The following CENPE variants were observed in gnomAD, a reference collection of about 807,000 sequenced individuals.
CENPE encodes centromere-associated protein E.
In CENPE, 145 loss-of-function variants were observed where a neutral mutation model predicts 336.1. That is an observed-to-expected ratio of 0.43 (90% CI 0.38 to 0.50). The LOEUF (loss-of-function observed/expected upper bound fraction) is 0.50. Ranked by LOEUF, CENPE falls within the 20% of genes least tolerant of loss-of-function variation. The pLI is 0.00. For missense variants in CENPE, 2,719 were observed against 3,023.3 expected (o/e 0.90, Z 2.36); for synonymous variants, 1,013 against 984.8 (o/e 1.03, Z -0.54).
chr4:103,185,982 C>T lies in CENPE; in HGVS notation c.694-121G>A, dbSNP rs576229633. ...AATATTCGATCTGTATCCATGTCTC[C>T]CATGCTACTGTTTAGGCATTCCCTT... On this transcript the variant is annotated intron_variant, in intron 8 of 48. Coordinates refer to ENST00000265148, the MANE Select transcript of CENPE (RefSeq NM_001813.3). 4.1e-5 allele frequency: 24 copies of T among 581,642 alleles called. No homozygotes were observed. In the Admixed American group the frequency reaches 4.3e-4, roughly 10 times the overall value. The allele number at this position is 581,642 out of a possible 1,614,324, so 36.0% of individuals were successfully genotyped here.
intron 8 of CENPE, among the ~76,000 whole-genome samples, chr4:103,189,761 TA>T (rs1757132995): frequency 6.6e-6 from 1 of 152,156 alleles, no homozygotes; most frequent in South Asian, 2.1e-4. Context: ...TCACCACTCC[TA>T]TTCAACATAG....
chr4:103,131,651 A>G (rs1751599206), intron 42 of CENPE, among the ~76,000 whole-genome samples: 2 of 152,228 alleles, frequency 1.3e-5, no homozygotes, highest in Non-Finnish European at 2.9e-5. Context: ...AAAGATACAT[A>G]TGTATGTTTA....
chr4:103,135,053 T>G (rs2720462), intron 40 of CENPE, among the ~76,000 whole-genome samples: 58,126 of 152,070 alleles, frequency 0.38, 11,143 homozygotes, highest in Middle Eastern at 0.49. Flanking sequence ...CTTTTGCTAG[T>G]TTCTCTCCTG....
intron 47 of CENPE, among the ~76,000 whole-genome samples, chr4:103,110,014 G>A (rs530038396): frequency 2.8e-4 from 42 of 152,120 alleles, no homozygotes; most frequent in African/African-American, 9.4e-4. Context: ...CTCAAAGCCC[G>A]TGAACATGTT....
intron 39 of CENPE, among the ~76,000 whole-genome samples, chr4:103,137,398 T>A (rs1468349297): frequency 6.6e-6 from 1 of 152,140 alleles, no homozygotes; most frequent in African/African-American, 2.4e-5. Flanking sequence ...ATGTAGTAGG[T>A]AACATGTTTA....
chr4:103,185,842 C>T lies in CENPE; in HGVS notation c.713G>A (p.Gly238Asp). The T allele has an allele frequency of 6.2e-7, 1 of 1,608,976 alleles. No individual in the cohort carries two copies. Among genetic ancestry groups the T allele is most frequent in the Non-Finnish European group, 8.5e-7 (1 of 1,176,784 alleles). Residue 238 changes from glycine to aspartate, a missense_variant, in exon 9 of 49, where the codon GGC becomes GAC. Gly to Asp is a moderately conservative substitution (Grantham distance 94). Coordinates refer to ENST00000265148, the MANE Select transcript of CENPE (RefSeq NM_001813.3). ...GCCTGTTTGAGCAGCTCTTTCACTG[C>T]CTGCAAGATCAACCAAATTCTGTAA... ...VSHLNLVDLAGSERAAQTGAA... is the reference protein window; with the variant it reads ...VSHLNLVDLADSERAAQTGAA...
At chr4:103,168,913 T>C (rs1470394600) in intron 16 of CENPE, among the ~76,000 whole-genome samples, 1 of 152,208 alleles carries the variant, frequency 6.6e-6, no homozygotes, top group Non-Finnish European at 1.5e-5. Context: ...CACTGCTGCA[T>C]GACCACAAGC....
chr4:103,139,414 C>G (rs936324589), intron 38 of CENPE, among the ~76,000 whole-genome samples: 2 of 151,800 alleles, frequency 1.3e-5, no homozygotes, highest in African/African-American at 4.8e-5. Flanking sequence ...CCAATAAGAG[C>G]CCAACTCTAG....
intron 42 of CENPE, among the ~76,000 whole-genome samples, chr4:103,128,316 T>C (rs1300349057): frequency 1.3e-5 from 2 of 152,184 alleles, no homozygotes; most frequent in Non-Finnish European, 2.9e-5. Flanking sequence ...CAATTTATTA[T>C]AGTTGGAGAC....
chr4:103,128,315 A>G (rs941909529), intron 42 of CENPE, among the ~76,000 whole-genome samples: 5 of 152,226 alleles, frequency 3.3e-5, no homozygotes, highest in African/African-American at 1.2e-4. Context: ...TCAATTTATT[A>G]TAGTTGGAGA....
At chr4:103,110,129 G>A (rs1749258111) in intron 47 of CENPE, among the ~76,000 whole-genome samples, 1 of 152,104 alleles carries the variant, frequency 6.6e-6, no homozygotes, top group African/African-American at 2.4e-5. Context: ...TTGCAGGTTT[G>A]TTTCCAGATC....
At chr4:103,124,578 G>A (rs1476133107) in intron 42 of CENPE, among the ~76,000 whole-genome samples, 2 of 152,066 alleles carry the variant, frequency 1.3e-5, no homozygotes, top group African/African-American at 4.8e-5. Flanking sequence ...ATGTTAATAG[G>A]GAAAATAACT....
intron 42 of CENPE, among the ~76,000 whole-genome samples, chr4:103,128,858 G>T (rs998069849): frequency 4.0e-5 from 6 of 151,752 alleles, no homozygotes; most frequent in African/African-American, 7.3e-5. Context: ...GTAAGCAGAA[G>T]AAATAATAAA....
chr4:103,146,136 G>C, intron 29 of CENPE, 29 bp from the exon 30 acceptor site: 1 of 1,580,300 alleles, frequency 6.3e-7, no homozygotes, highest in South Asian at 1.2e-5. Context: ...CAGTACAGTT[G>C]ATATCCAGAG....
chr4:103,146,193 T>A, intron 29 of CENPE, 86 bp from the exon 30 acceptor site: 1 of 1,262,394 alleles, frequency 7.9e-7, no homozygotes, highest in Non-Finnish European at 1.1e-6. Context: ...TCTAAAACAA[T>A]TAAGGCAGGA....
rs146790949 is a variant in CENPE at position 103,109,141 on chromosome 4, A to G, written c.7725-52T>C. 323 of 1,354,342 alleles carry G rather than the reference A, an allele frequency of 2.4e-4. No homozygotes were observed. In the African/African-American group the frequency reaches 4.4e-3, roughly 18 times the overall value. 83.9% of individuals were successfully genotyped at this position (1,354,342 alleles called of 1,614,324 possible). A position where few individuals can be genotyped will look rare whatever the true frequency, so the allele number is the denominator to read the frequency against. ...ACTGTAAGACTTCTTGATTCTTAAG[A>G]TGTATTCACATTTATATTTAAAAAT... On this transcript the variant is annotated intron_variant, in intron 47 of 48. Coordinates refer to ENST00000265148, the MANE Select transcript of CENPE (RefSeq NM_001813.3).
chr4:103,122,545 T>C (rs1578554538), intron 43 of CENPE, among the ~76,000 whole-genome samples: 2 of 152,214 alleles, frequency 1.3e-5, no homozygotes, highest in Admixed American at 6.5e-5. Flanking sequence ...CATACGGACA[T>C]AGATCACAGT....
intron 13 of CENPE, among the ~76,000 whole-genome samples, chr4:103,178,188 C>T (rs2126013260): frequency 6.6e-6 from 1 of 152,188 alleles, no homozygotes; most frequent in South Asian, 2.1e-4. Context: ...CTACACGGCA[C>T]ACTCAAATGG....
At chr4:103,144,979 A>G (rs1752887284) in intron 32 of CENPE, 71 bp downstream of exon 32, 1 of 1,341,400 alleles carries the variant, frequency 7.5e-7, no homozygotes, top group Non-Finnish European at 9.9e-7. Flanking sequence ...AAAACTTAAC[A>G]TGAACACCGT....
Sources: allele counts gnomAD v4.1 joint callset (sites outside exome capture counted in the v4.1 genomes callset), GRCh38; gene constraint gnomAD v4.1.1; transcripts MANE v1.5; gene names NCBI Gene and HGNC (gene_info 2026-07-23, HGNC 2026-07-21).